NTM: variants seen among roughly 807,000 people sequenced by gnomAD.
NTM encodes the protein IgLON family member 2.
Under a neutral mutation model 42.1 loss-of-function variants are expected in NTM, and 13 were observed. That is an observed-to-expected ratio of 0.31 (90% CI 0.20 to 0.49). The LOEUF is 0.49. NTM is among the 20% of genes least tolerant of loss of function. The pLI, the probability that NTM is intolerant of heterozygous loss-of-function variation, is 0.99. For missense variants in NTM, 373 were observed against 452.8 expected (o/e 0.82, Z 1.60); for synonymous variants, 187 against 179.2 (o/e 1.04, Z -0.35).
intron 3 of NTM, among the ~76,000 whole-genome samples, chr11:132,210,528 A>G (rs376232950): frequency 2.0e-5 from 3 of 152,372 alleles, no homozygotes; most frequent in Non-Finnish European, 4.4e-5. Context: ...TAACCATAGC[A>G]TAGTGAAATA....
intron 1 of NTM, chr11:131,385,307 T>C (rs12419309): frequency 1.3e-5 from 2 of 152,226 alleles, no homozygotes. Flanking sequence ...AGAGGCCCTC[T>C]AGTCCATAGG....
intron 1 of NTM, among the ~76,000 whole-genome samples, chr11:131,652,402 A>C (rs1178950565): frequency 6.6e-6 from 1 of 152,170 alleles, no homozygotes; most frequent in Non-Finnish European, 1.5e-5. Flanking sequence ...AGAACAAAGC[A>C]AGGTGGTGCC....
intron 1 of NTM, among the ~76,000 whole-genome samples, chr11:131,867,599 C>G (rs1452356584): frequency 6.6e-6 from 1 of 150,808 alleles, no homozygotes; most frequent in East Asian, 2.0e-4. Context: ...TGTACACATA[C>G]CTGTGTGTGT....
chr11:131,450,157 C>G (rs867948800), intron 1 of NTM, among the ~76,000 whole-genome samples: 12 of 152,168 alleles, frequency 7.9e-5, no homozygotes, highest in African/African-American at 2.7e-4. Context: ...AATAACTTCC[C>G]AAAGACTACA....
At chr11:131,725,978 G>A (rs1401130078) in intron 1 of NTM, among the ~76,000 whole-genome samples, 3 of 152,146 alleles carry the variant, frequency 2.0e-5, no homozygotes, top group Non-Finnish European at 4.4e-5. Flanking sequence ...TCTGCTACCA[G>A]TCTTGAGGAC....
At chr11:131,451,320 T>C (rs1950471196) in intron 1 of NTM, among the ~76,000 whole-genome samples, 2 of 152,188 alleles carry the variant, frequency 1.3e-5, no homozygotes, top group African/African-American at 4.8e-5. Flanking sequence ...ATGAGTATTT[T>C]CTCTGGATAT....
chr11:132,250,244 A>G (rs2091776590), intron 4 of NTM, among the ~76,000 whole-genome samples: 1 of 152,070 alleles, frequency 6.6e-6, no homozygotes, highest in Non-Finnish European at 1.5e-5. Flanking sequence ...TCTTATTTTT[A>G]TTTCCATGAA....
intron 1 of NTM, among the ~76,000 whole-genome samples, chr11:131,561,405 T>C (rs972362983): frequency 6.6e-6 from 1 of 152,236 alleles, no homozygotes; most frequent in African/African-American, 2.4e-5. Context: ...TTCAAAAATT[T>C]CCAATGGTGC....
chr11:131,854,949 G>A (rs998968701), intron 1 of NTM, among the ~76,000 whole-genome samples: 1 of 152,082 alleles, frequency 6.6e-6, no homozygotes, highest in African/African-American at 2.4e-5. Flanking sequence ...GGGTGGAAAT[G>A]CAGGCAATAT....
At chr11:131,553,181 C>T (rs1347114239) in intron 1 of NTM, among the ~76,000 whole-genome samples, 1 of 151,718 alleles carries the variant, frequency 6.6e-6, no homozygotes, top group African/African-American at 2.4e-5. Flanking sequence ...CAGGAGAGGC[C>T]ATGAGGTCTT....
chr11:132,331,976 G>A (rs1030141490), intron 8 of NTM, among the ~76,000 whole-genome samples: 7 of 152,200 alleles, frequency 4.6e-5, no homozygotes, highest in African/African-American at 7.2e-5. Context: ...GGCACATCAC[G>A]AAATGTAGTG....
intron 1 of NTM, among the ~76,000 whole-genome samples, chr11:131,879,292 G>A (rs1219077693): frequency 6.6e-6 from 1 of 152,166 alleles, no homozygotes; most frequent in African/African-American, 2.4e-5. Flanking sequence ...TTTCTTGGGG[G>A]CCTTCACATC....
At chr11:131,928,286 C>T (rs2058183025) in intron 2 of NTM, among the ~76,000 whole-genome samples, 1 of 152,146 alleles carries the variant, frequency 6.6e-6, no homozygotes, top group Admixed American at 6.5e-5. Flanking sequence ...TTAATAATTA[C>T]ATTAAGACAA....
intron 2 of NTM, among the ~76,000 whole-genome samples, chr11:132,076,887 C>T (rs543255868): frequency 1.4e-4 from 22 of 152,218 alleles, no homozygotes; most frequent in Non-Finnish European, 2.8e-4. Context: ...TTTTATTACC[C>T]ATCTCTTTAT....
At chr11:131,401,623 T>C (rs1370390572) in intron 1 of NTM, among the ~76,000 whole-genome samples, 2 of 151,230 alleles carry the variant, frequency 1.3e-5, no homozygotes, top group East Asian at 3.9e-4. Context: ...TATACCCACC[T>C]GTGCCCCTCT....
chr11:132,220,528 G>A (rs1010075926), intron 4 of NTM, among the ~76,000 whole-genome samples: 1 of 152,226 alleles, frequency 6.6e-6, no homozygotes, highest in Non-Finnish European at 1.5e-5. Flanking sequence ...GGAAATTAAT[G>A]AGTTCAATGT....
At chr11:132,072,643 T>C (rs762768432) in intron 2 of NTM, among the ~76,000 whole-genome samples, 5 of 152,186 alleles carry the variant, frequency 3.3e-5, no homozygotes, top group Non-Finnish European at 4.4e-5. Context: ...CAGAACTTCC[T>C]TTCAGTCTCA....
intron 2 of NTM, among the ~76,000 whole-genome samples, chr11:132,129,944 G>T (rs1001747343): frequency 6.6e-6 from 1 of 152,074 alleles, no homozygotes; most frequent in African/African-American, 2.4e-5. Context: ...GCTTTTTATT[G>T]AGAACAACCT....
At chr11:131,982,431 C>T (rs1007916003) in intron 2 of NTM, among the ~76,000 whole-genome samples, 4 of 152,066 alleles carry the variant, frequency 2.6e-5, no homozygotes, top group Admixed American at 6.5e-5. Context: ...AATGGAGAGA[C>T]ACGAGAGGTG....
Sources: gnomAD v4.1 joint callset for allele counts (sites outside exome capture counted in the v4.1 genomes callset) on GRCh38, gnomAD v4.1.1 for gene constraint, MANE v1.5 for transcripts, NCBI Gene and HGNC (gene_info 2026-07-23, HGNC 2026-07-21) for gene names.